Variants in RGS6 observed in about 807,000 individuals in gnomAD.
RGS6 encodes the protein regulator of G-protein signaling 6.
In RGS6, 30 loss-of-function variants were observed where a neutral mutation model predicts 78.5. The observed-to-expected ratio is 0.38, with a 90% CI of 0.29 to 0.52. RGS6 has a LOEUF of 0.52. Ranked by LOEUF, RGS6 falls within the 20% of genes least tolerant of loss-of-function variation. The pLI is 0.85. For synonymous variants in RGS6, 206 were observed against 206.0 expected (o/e 1.00, Z 0.00); for missense variants, 495 against 609.7 (o/e 0.81, Z 1.98).
chr14:72,233,462 T>C (rs186597393), intron 2 of RGS6, among the ~76,000 whole-genome samples: 262 of 152,306 alleles, frequency 1.7e-3, no homozygotes, highest in Middle Eastern at 6.8e-3. Flanking sequence ...TCGTGGGACT[T>C]ATAGATGGCT....
At chr14:72,569,661 T>G (rs1599258907), downstream of RGS6, among the ~76,000 whole-genome samples, 2 of 129,492 alleles carry the variant, frequency 1.5e-5, no homozygotes, top group African/African-American at 3.1e-5. Flanking sequence ...GGCGACAGAG[T>G]GAGACTTGTC....
chr14:72,258,121 A>G (rs73302814), intron 2 of RGS6, among the ~76,000 whole-genome samples: 24,478 of 152,094 alleles, frequency 0.16, 3,231 homozygotes, highest in African/African-American at 0.37. Context: ...TGGTTACAGA[A>G]AAATCCAGAG....
chr14:71,986,525 A>AC (rs1300975410), intron 2 of RGS6, among the ~76,000 whole-genome samples: 4 of 151,132 alleles, frequency 2.6e-5, no homozygotes, highest in African/African-American at 7.3e-5. Flanking sequence ...ACATGATGAG[A>AC]CCCCATCTCT....
intron 2 of RGS6, among the ~76,000 whole-genome samples, chr14:72,111,150 C>T (rs2095752960): frequency 6.6e-6 from 1 of 152,192 alleles, no homozygotes; most frequent in Non-Finnish European, 1.5e-5. Flanking sequence ...TGATCCTTTC[C>T]TTCCACCTTG....
intron 2 of RGS6, among the ~76,000 whole-genome samples, chr14:72,056,289 T>C (rs918021146): frequency 1.3e-5 from 2 of 152,226 alleles, no homozygotes; most frequent in African/African-American, 4.8e-5. Flanking sequence ...CTGCTCATAG[T>C]ATGCCTCCAA....
At chr14:72,472,231 A>G (rs2096101703) in intron 8 of RGS6, among the ~76,000 whole-genome samples, 1 of 152,130 alleles carries the variant, frequency 6.6e-6, no homozygotes, top group Middle Eastern at 3.4e-3. Flanking sequence ...GATCAGAACA[A>G]TAAGAATCTG....
At chr14:72,161,145 A>T (rs2096846940) in intron 2 of RGS6, among the ~76,000 whole-genome samples, 1 of 152,238 alleles carries the variant, frequency 6.6e-6, no homozygotes, top group Admixed American at 6.5e-5. Context: ...GCGAGAACAG[A>T]AAACCAAACA....
chr14:72,420,102 T>C (rs957016721), intron 3 of RGS6, among the ~76,000 whole-genome samples: 7 of 152,208 alleles, frequency 4.6e-5, no homozygotes, highest in African/African-American at 1.2e-4. Context: ...TTTGGATATG[T>C]GACTCACTCA....
At chr14:72,482,068 C>A (rs2096392533) in intron 12 of RGS6, among the ~76,000 whole-genome samples, 1 of 152,120 alleles carries the variant, frequency 6.6e-6, no homozygotes, top group Non-Finnish European at 1.5e-5. Context: ...CCTCGGCCTC[C>A]CAAAGTGCTG....
At chr14:72,374,244 C>A (rs553039508) in intron 3 of RGS6, among the ~76,000 whole-genome samples, 1 of 150,100 alleles carries the variant, frequency 6.7e-6, no homozygotes, top group African/African-American at 2.4e-5. Flanking sequence ...CCCCCCTCCC[C>A]CCACCCCACG....
chr14:72,320,439 G>T (rs570762406), intron 2 of RGS6, among the ~76,000 whole-genome samples: 1 of 151,926 alleles, frequency 6.6e-6, no homozygotes, highest in African/African-American at 2.4e-5. Context: ...TTAGCTGGGC[G>T]TGGTGGCGGG....
the RGS6 span, among the ~76,000 whole-genome samples, chr14:72,573,617 A>T: frequency 2.0e-5 from 3 of 152,134 alleles, no homozygotes; most frequent in African/African-American, 7.2e-5. Flanking sequence ...GAATAGATAA[A>T]TATCTCCTAT....
chr14:72,317,076 TG>T (rs1163065564), intron 2 of RGS6, among the ~76,000 whole-genome samples: 1 of 152,176 alleles, frequency 6.6e-6, no homozygotes, highest in Non-Finnish European at 1.5e-5. Context: ...TGGGTTCTAA[TG>T]CTGGCTGTAG....
intron 1 of RGS6, among the ~76,000 whole-genome samples, chr14:71,953,190 G>A (rs986846389): frequency 6.6e-6 from 1 of 152,108 alleles, no homozygotes; most frequent in African/African-American, 2.4e-5. Flanking sequence ...CCAGGAGGGT[G>A]GCATTAGAAC....
the RGS6 span, among the ~76,000 whole-genome samples, chr14:72,608,323 C>T: frequency 6.6e-6 from 1 of 152,148 alleles, no homozygotes; most frequent in Non-Finnish European, 1.5e-5. Context: ...CCCGCATGGA[C>T]CAGGAGTCCT....
chr14:71,870,221 T>G, the RGS6 span, among the ~76,000 whole-genome samples: 1 of 152,184 alleles, frequency 6.6e-6, no homozygotes, highest in Non-Finnish European at 1.5e-5. Flanking sequence ...CTTTTTTTCA[T>G]TCAATGATTA....
intron 3 of RGS6, among the ~76,000 whole-genome samples, chr14:72,427,548 C>G (rs1281177406): frequency 2.0e-5 from 3 of 152,194 alleles, no homozygotes; most frequent in Admixed American, 6.5e-5. Context: ...AGTGATTATT[C>G]TGTTGGGGGT....
At chr14:72,285,460 A>G (rs73304904) in intron 2 of RGS6, among the ~76,000 whole-genome samples, 7,687 of 152,180 alleles carry the variant, frequency 0.051, 579 homozygotes, top group African/African-American at 0.17. Flanking sequence ...GCCACCATGT[A>G]AGATGTCCTT....
intron 3 of RGS6, among the ~76,000 whole-genome samples, chr14:72,429,523 A>C (rs1476187977): frequency 2.0e-5 from 3 of 152,188 alleles, no homozygotes; most frequent in African/African-American, 7.2e-5. Flanking sequence ...CAACAGAATG[A>C]AGCCAGCCAG....
Sources: allele counts gnomAD v4.1 joint callset (sites outside exome capture counted in the v4.1 genomes callset), GRCh38; gene constraint gnomAD v4.1.1; transcripts MANE v1.5; gene names NCBI Gene and HGNC (gene_info 2026-07-23, HGNC 2026-07-21).